RAB5B: variants seen among roughly 807,000 people sequenced by gnomAD.
RAB5B encodes the protein ras-related protein Rab-5B.
Under a neutral mutation model 28.6 loss-of-function variants are expected in RAB5B, and 11 were observed. That is an observed-to-expected ratio of 0.38 (90% CI 0.24 to 0.64). The LOEUF (loss-of-function observed/expected upper bound fraction) is 0.64. Among genes scored for constraint, RAB5B ranks in the 30% least tolerant of loss-of-function variants. The pLI, the probability that RAB5B is intolerant of heterozygous loss-of-function variation, is 0.53. For synonymous variants in RAB5B, 93 were observed against 97.9 expected (o/e 0.95, Z 0.29); for missense variants, 169 against 265.6 (o/e 0.64, Z 2.53).
intron 2 of RAB5B, 136 bp downstream of exon 2, chr12:55,987,259 C>G (rs950257900): frequency 2.4e-6 from 2 of 832,496 alleles, no homozygotes; most frequent in South Asian, 3.7e-5. Context: ...CTCCCAGGTT[C>G]GAGCGATTCT....
rs1565791147 is a variant in RAB5B at position 55,992,823 on chromosome 12, G to T, written c.*611G>T. 3 of 286,152 alleles carry T rather than the reference G, an allele frequency of 1.0e-5. No individual in the cohort carries two copies. The allele number at this position is 286,152 out of a possible 1,614,324, so 17.7% of individuals were successfully genotyped here. A position where few individuals can be genotyped will look rare whatever the true frequency, so the allele number is the denominator to read the frequency against. On this transcript the variant is annotated 3_prime_UTR_variant, in exon 6 of 6. Coordinates refer to ENST00000360299, the MANE Select transcript of RAB5B (RefSeq NM_002868.4). ...TCCATGATTTGGCCTTGTGGAGGGTGTTCCTAGGTAGAGGTGAGAATGGGG... is the reference window on the plus strand; with the variant it reads ...TCCATGATTTGGCCTTGTGGAGGGTTTTCCTAGGTAGAGGTGAGAATGGGG...
chr12:55,995,210 C>G lies in RAB5B; in HGVS notation c.*2998C>G, dbSNP rs1890252154. 6.6e-6 allele frequency: 1 copy of G among 152,018 alleles called. No individual in the cohort carries two copies. The highest frequency in any genetic ancestry group is 2.1e-4 in the South Asian group (1 of 4,828). 9.4% of individuals were successfully genotyped at this position (152,018 alleles called of 1,614,324 possible). Reference sequence around the variant, plus strand: ...AGTTCAAGTGATTCTCCTGCCTCAGCCTCCTGAGTAGCTAGGATTACAGGC... The same window carrying G: ...AGTTCAAGTGATTCTCCTGCCTCAGGCTCCTGAGTAGCTAGGATTACAGGC... On this transcript the variant is annotated 3_prime_UTR_variant, in exon 6 of 6. Transcript: ENST00000360299.
intron 2 of RAB5B, among the ~76,000 whole-genome samples, chr12:55,988,636 G>A (rs1890022235): frequency 6.6e-6 from 1 of 151,468 alleles, no homozygotes; most frequent in African/African-American, 2.4e-5. Flanking sequence ...CCTGAGCAGC[G>A]GAGATTACAG....
At chr12:55,982,478 G>A (rs982334894) in intron 1 of RAB5B, among the ~76,000 whole-genome samples, 4 of 152,114 alleles carry the variant, frequency 2.6e-5, no homozygotes, top group African/African-American at 9.7e-5. Flanking sequence ...TTCTTTTTCA[G>A]AGGTGGGATC....
chr12:55,986,016 A>T (rs559065105), intron 1 of RAB5B, among the ~76,000 whole-genome samples: 1 of 152,182 alleles, frequency 6.6e-6, no homozygotes, highest in African/African-American at 2.4e-5. Flanking sequence ...CCCTGGTTAG[A>T]TCTTTAGAAA....
Position 55,990,202 on chromosome 12 carries a change from G to A in RAB5B, c.315+104G>A, listed in dbSNP as rs1592806499. 4.7e-6 allele frequency: 6 copies of A among 1,273,388 alleles called. No individual in the cohort carries two copies. In the East Asian group the frequency reaches 1.6e-4, roughly 33 times the overall value. 78.9% of individuals were successfully genotyped at this position (1,273,388 alleles called of 1,614,324 possible). A position where few individuals can be genotyped will look rare whatever the true frequency, so the allele number is the denominator to read the frequency against. ...AGGCGGGAGGATCATGAGGTCAAGA[G>A]ATTGAGACCATCCTGGCCAACATGG... On this transcript the variant is annotated intron_variant, in intron 3 of 5. Coordinates refer to ENST00000360299, the MANE Select transcript of RAB5B (RefSeq NM_002868.4).
intron 1 of RAB5B, among the ~76,000 whole-genome samples, chr12:55,982,460 C>A (rs1181687136): frequency 6.6e-6 from 1 of 152,040 alleles, no homozygotes; most frequent in African/African-American, 2.4e-5. Flanking sequence ...GAAGGCAGGA[C>A]ATATTCTTTC....
chr12:55,981,186 C>G (rs1889798062), intron 1 of RAB5B, among the ~76,000 whole-genome samples: 1 of 152,074 alleles, frequency 6.6e-6, no homozygotes, highest in Admixed American at 6.5e-5. Flanking sequence ...GCCTCAGCCT[C>G]CTGAGTAGCT....
rs187499962 is a variant in RAB5B at position 55,982,770 on chromosome 12, G to A, written c.-92-4099G>A. Among the ~76,000 whole-genome samples, 100 of 152,248 alleles carry A rather than the reference G, an allele frequency of 6.6e-4. 1 individual carries two copies. The highest frequency in any genetic ancestry group is 1.5e-3 in the African/African-American group (63 of 41,548). On this transcript the variant is annotated intron_variant, in intron 1 of 5. Transcript: ENST00000360299. Reference sequence around the variant, plus strand: ...GTGACAGAGACTTTGCAACTCAAGCGTGTCTGCAATTGTTTCCTGTCTTTA... The same window carrying A: ...GTGACAGAGACTTTGCAACTCAAGCATGTCTGCAATTGTTTCCTGTCTTTA...
At chr12:55,979,897 C>T (rs1592794610) in intron 1 of RAB5B, among the ~76,000 whole-genome samples, 1 of 152,194 alleles carries the variant, frequency 6.6e-6, no homozygotes, top group South Asian at 2.1e-4. Flanking sequence ...CCTACATTTA[C>T]TGCTTAGCAG....
At chr12:55,986,203 T>G (rs186652381) in intron 1 of RAB5B, among the ~76,000 whole-genome samples, 3 of 152,254 alleles carry the variant, frequency 2.0e-5, no homozygotes, top group Admixed American at 2.0e-4. Context: ...TATCAGCACT[T>G]TGGAAGGCCA....
chr12:55,988,500 T>TTTTATTTA (rs1285472210), intron 2 of RAB5B, among the ~76,000 whole-genome samples: 2 of 152,104 alleles, frequency 1.3e-5, no homozygotes, highest in Non-Finnish European at 2.9e-5. Flanking sequence ...CCCTTGTTAT[T>TTTTATTTA]TTTATTTATT....
Position 55,990,990 on chromosome 12 carries a change from G to A in RAB5B, c.438+186G>A, listed in dbSNP as rs573812070. 7.5e-5 allele frequency: 57 copies of A among 761,022 alleles called. No homozygotes were observed. In the African/African-American group the frequency reaches 8.9e-4, roughly 12 times the overall value. 47.1% of individuals were successfully genotyped at this position (761,022 alleles called of 1,614,324 possible). On this transcript the variant is annotated intron_variant, in intron 4 of 5. Coordinates refer to ENST00000360299, the MANE Select transcript of RAB5B (RefSeq NM_002868.4). ...AGCCAGGAGATTTTCAAAGGAGTCA[G>A]GAGAAAACTCCAGAGCAGAGGGTTA...
chr12:55,979,970 A>T (rs1889754909), intron 1 of RAB5B, among the ~76,000 whole-genome samples: 1 of 152,068 alleles, frequency 6.6e-6, no homozygotes, highest in Non-Finnish European at 1.5e-5. Context: ...TTATTTATTT[A>T]TTTTTTGTGC....
At position 55,992,811 on chromosome 12, in the gene RAB5B, C is replaced by G. The variant is rs1403544191; in HGVS notation, c.*599C>G. ...AACATTGCGGTATCCATGATTTGGC[C>G]TTGTGGAGGGTGTTCCTAGGTAGAG... On this transcript the variant is annotated 3_prime_UTR_variant, in exon 6 of 6. Coordinates refer to ENST00000360299, the MANE Select transcript of RAB5B (RefSeq NM_002868.4). 3.4e-6 allele frequency: 1 copy of G among 290,552 alleles called. No homozygotes were observed. Among genetic ancestry groups the G allele is most frequent in the African/African-American group, 2.4e-5 (1 of 42,386 alleles). 18.0% of individuals were successfully genotyped at this position (290,552 alleles called of 1,614,324 possible).
intron 1 of RAB5B, 59 bp from the exon 2 acceptor site, chr12:55,986,810 A>G: frequency 1.5e-6 from 1 of 667,336 alleles, no homozygotes; most frequent in Non-Finnish European, 2.7e-6. Context: ...CCTTCTCTGA[A>G]AAGCGATTGC....
At chr12:55,982,857 C>T (rs1889847177) in intron 1 of RAB5B, among the ~76,000 whole-genome samples, 1 of 152,216 alleles carries the variant, frequency 6.6e-6, no homozygotes, top group African/African-American at 2.4e-5. Flanking sequence ...CTAACTCCCA[C>T]ATTTTCCTTT....
rs1424774978 is a variant in RAB5B at position 55,992,591 on chromosome 12, T to G, written c.*379T>G. On this transcript the variant is annotated 3_prime_UTR_variant, in exon 6 of 6. Coordinates refer to ENST00000360299, the MANE Select transcript of RAB5B (RefSeq NM_002868.4). ...GACTCCTGTCCCTTCCCCTTCTGCT[T>G]TTGGTCAGTCCCTGTTCTTGAGCCT... 2.2e-6 allele frequency: 1 copy of G among 460,762 alleles called. No individual in the cohort carries two copies. The highest frequency in any genetic ancestry group is 4.3e-6 in the Non-Finnish European group (1 of 231,030). 28.5% of individuals were successfully genotyped at this position (460,762 alleles called of 1,614,324 possible). A position where few individuals can be genotyped will look rare whatever the true frequency, so the allele number is the denominator to read the frequency against.
intron 2 of RAB5B, 119 bp downstream of exon 2, chr12:55,987,242 CCT>C: frequency 1.0e-6 from 1 of 976,824 alleles, no homozygotes; most frequent in South Asian, 1.7e-5. Flanking sequence ...CTTACTGCAA[CCT>C]CTGTCTCCCA....
Sources: allele counts gnomAD v4.1 joint callset (sites outside exome capture counted in the v4.1 genomes callset), GRCh38; gene constraint gnomAD v4.1.1; transcripts MANE v1.5; gene names NCBI Gene and HGNC (gene_info 2026-07-23, HGNC 2026-07-21).